The following SLK variants were observed in gnomAD, a reference collection of about 807,000 sequenced individuals.
SLK encodes the protein STE20 like kinase, also known as STE20-like serine/threonine-protein kinase.
A neutral mutation model predicts 147.7 loss-of-function variants in SLK; 67 were observed. The observed-to-expected ratio is 0.45, with a 90% CI of 0.37 to 0.56. The LOEUF is 0.56. SLK is among the 20% of genes least tolerant of loss of function. The probability of loss-of-function intolerance (pLI) is 0.00; values close to 1 mark genes in which losing one functional copy is unlikely to be tolerated. For synonymous variants in SLK, 441 were observed against 475.0 expected, an observed-to-expected ratio of 0.93 and a Z score of 0.93; for missense variants, 1,136 against 1,438.8, an observed-to-expected ratio of 0.79 and a Z score of 3.41.
intron 18 of SLK, among the ~76,000 whole-genome samples, chr10:104,024,957 C>T (rs1180654506): frequency 6.6e-6 from 1 of 152,188 alleles, no homozygotes; most frequent in East Asian, 1.9e-4. Context: ...GAGGTCCCAC[C>T]TTCTATGCAT....
chr10:104,014,891 G>A (rs892715323), intron 13 of SLK, among the ~76,000 whole-genome samples: 5 of 151,402 alleles, frequency 3.3e-5, no homozygotes, highest in African/African-American at 1.2e-4. Context: ...TAATCCAAGT[G>A]ATTAAGTTCA....
At chr10:103,985,329 T>G (rs1232480586) in intron 1 of SLK, among the ~76,000 whole-genome samples, 1 of 152,182 alleles carries the variant, frequency 6.6e-6, no homozygotes, top group East Asian at 1.9e-4. Flanking sequence ...GCTGGGGTGT[T>G]GTTTGTCTTT....
chr10:104,026,787 A>G lies in SLK; in HGVS notation c.*1067A>G, dbSNP rs1051615050. ...AATTAAATATTTAGGCACGTCAGGA[A>G]TTACTTTTCCTTATTTTGAAATGAG... On this transcript the variant is annotated 3_prime_UTR_variant, in exon 19 of 19. Transcript: ENST00000369755. 43 of 152,194 alleles carry G rather than the reference A, an allele frequency of 2.8e-4. No individual in the cohort carries two copies. The highest frequency in any genetic ancestry group is 1.0e-3 in the African/African-American group (43 of 41,444). The allele number at this position is 152,194 out of a possible 1,614,324, so 9.4% of individuals were successfully genotyped here. A position where few individuals can be genotyped will look rare whatever the true frequency, so the allele number is the denominator to read the frequency against.
intron 1 of SLK, among the ~76,000 whole-genome samples, chr10:103,979,101 C>T (rs924640572): frequency 3.3e-5 from 5 of 152,180 alleles, no homozygotes; most frequent in African/African-American, 9.7e-5. Context: ...CTGCAACCTC[C>T]GCTTCCCACG....
At chr10:103,984,616 T>G (rs1843989276) in intron 1 of SLK, among the ~76,000 whole-genome samples, 2 of 152,134 alleles carry the variant, frequency 1.3e-5, no homozygotes, top group South Asian at 4.1e-4. Context: ...TATTTCGCCA[T>G]TTGTCCATGC....
chr10:103,992,069 G>A (rs1240971895), intron 2 of SLK, among the ~76,000 whole-genome samples: 1 of 148,660 alleles, frequency 6.7e-6, no homozygotes, highest in Non-Finnish European at 1.5e-5. Context: ...TCTTACCAGG[G>A]AAGTCAAGAT....
At chr10:103,970,928 C>T (rs1201479499) in intron 1 of SLK, among the ~76,000 whole-genome samples, 1 of 152,140 alleles carries the variant, frequency 6.6e-6, no homozygotes, top group Non-Finnish European at 1.5e-5. Flanking sequence ...ATTGAAAATG[C>T]TCTAGTGATC....
intron 1 of SLK, among the ~76,000 whole-genome samples, chr10:103,970,976 A>G (rs1040665399): frequency 2.0e-5 from 3 of 152,144 alleles, no homozygotes; most frequent in African/African-American, 7.2e-5. Context: ...GCACTCAGAA[A>G]GTTTCAGATT....
chr10:104,011,018 A>T (rs1844393113), intron 13 of SLK, 110 bp downstream of exon 13: 1 of 534,722 alleles, frequency 1.9e-6, no homozygotes, highest in South Asian at 4.5e-5. Context: ...TATGATGTTG[A>T]CTTCTCCCCA....
chr10:103,999,083 T>C (rs563702639), intron 5 of SLK, 36 bp from the exon 6 acceptor site: 1 of 1,580,086 alleles, frequency 6.3e-7, no homozygotes, highest in South Asian at 1.1e-5. Context: ...ATCACTGTTC[T>C]TAAACATGTT....
intron 5 of SLK, 64 bp from the exon 6 acceptor site, chr10:103,999,055 T>G: frequency 6.5e-7 from 1 of 1,543,622 alleles, no homozygotes; most frequent in Non-Finnish European, 8.9e-7. Flanking sequence ...CATAATTGAT[T>G]ATACCATGTG....
Position 104,002,893 on chromosome 10 carries a change from A to G in SLK, c.1715A>G (p.Asn572Ser), listed in dbSNP as rs1338999115. 6.2e-7 allele frequency: 1 copy of G among 1,614,184 alleles called. No homozygotes were observed. The highest frequency in any genetic ancestry group is 8.5e-7 in the Non-Finnish European group (1 of 1,180,020). Residue 572 changes from asparagine (N) to serine (S), a missense_variant, in exon 9 of 19, where the codon AAT becomes AGT. By Grantham distance (46) the Asn-to-Ser change is conservative. Coordinates refer to ENST00000369755, the MANE Select transcript of SLK (RefSeq NM_014720.4). ...DEDSAEDTQSNDGKEVVEVGQ... is the reference protein window; with the variant it reads ...DEDSAEDTQSSDGKEVVEVGQ... Reference sequence around the variant, plus strand: ...GACAGTGCTGAGGATACGCAGAGTAATGATGGGAAAGAAGTGGTCGAAGTA... The same window carrying G: ...GACAGTGCTGAGGATACGCAGAGTAGTGATGGGAAAGAAGTGGTCGAAGTA...
At chr10:103,988,085 A>T (rs1254071833) in intron 1 of SLK, among the ~76,000 whole-genome samples, 1 of 152,222 alleles carries the variant, frequency 6.6e-6, no homozygotes, top group East Asian at 1.9e-4. Context: ...GATTGTAGAA[A>T]AGTAGATATG....
At chr10:104,018,103 A>T in intron 13 of SLK, 57 bp from the exon 14 acceptor site, 1 of 1,420,838 alleles carries the variant, frequency 7.0e-7, no homozygotes, top group Non-Finnish European at 9.6e-7. Context: ...CCATATAGAT[A>T]AATGGATGTT....
chr10:104,004,291 A>G (rs1366287404), intron 9 of SLK, among the ~76,000 whole-genome samples: 1 of 152,174 alleles, frequency 6.6e-6, no homozygotes, highest in Admixed American at 6.5e-5. Flanking sequence ...ATTTTCTTAC[A>G]TGTATTCCTA....
At chr10:103,995,047 A>G (rs867426441) in intron 4 of SLK, among the ~76,000 whole-genome samples, 7 of 152,136 alleles carry the variant, frequency 4.6e-5, no homozygotes, top group Non-Finnish European at 1.0e-4. Context: ...TTTTGTTTTC[A>G]TTATTTTCGA....
chr10:103,997,772 T>C (rs1379030229), intron 4 of SLK, among the ~76,000 whole-genome samples: 2 of 152,100 alleles, frequency 1.3e-5, no homozygotes, highest in East Asian at 1.9e-4. Context: ...TACATGGCTC[T>C]TTTATGTTTT....
chr10:103,996,729 T>C (rs1270546848), intron 4 of SLK, among the ~76,000 whole-genome samples: 1 of 152,046 alleles, frequency 6.6e-6, no homozygotes, highest in East Asian at 1.9e-4. Flanking sequence ...AATATTCGAG[T>C]GCTTTCTTCC....
At chr10:104,016,869 C>T (rs1003734829) in intron 13 of SLK, among the ~76,000 whole-genome samples, 1 of 152,030 alleles carries the variant, frequency 6.6e-6, no homozygotes, top group African/African-American at 2.4e-5. Context: ...TTGATGTTCT[C>T]GAGGATGTGC....
Sources: gnomAD v4.1 joint callset for allele counts (sites outside exome capture counted in the v4.1 genomes callset) on GRCh38, gnomAD v4.1.1 for gene constraint, MANE v1.5 for transcripts, NCBI Gene and HGNC (gene_info 2026-07-23, HGNC 2026-07-21) for gene names.